CTNNA3: variants seen among roughly 807,000 people sequenced by gnomAD.
CTNNA3 encodes catenin alpha 3, also known as catenin alpha-3.
CTNNA3 carries 76 observed loss-of-function variants against 95.7 expected under a neutral mutation model. The ratio of observed to expected loss-of-function variants is 0.79; its 90% CI spans 0.66 to 0.96. The LOEUF (loss-of-function observed/expected upper bound fraction) is 0.96, where lower values mean the gene tolerates loss of function less well. CTNNA3 is among the 40% of genes least tolerant of loss of function. The pLI is 0.00. For missense variants in CTNNA3, 1,191 were observed against 1,089.8 expected (o/e 1.09, Z -1.31); for synonymous variants, 431 against 374.4 (o/e 1.15, Z -1.74).
At chr10:67,235,944 A>T (rs1321748744) in intron 5 of CTNNA3, among the ~76,000 whole-genome samples, 1 of 147,318 alleles carries the variant, frequency 6.8e-6, no homozygotes, top group Non-Finnish European at 1.5e-5. Context: ...AGAAATGCAA[A>T]TCAAAACCAC....
At chr10:67,729,517 A>G (rs962436457) in intron 1 of CTNNA3, among the ~76,000 whole-genome samples, 2 of 152,172 alleles carry the variant, frequency 1.3e-5, no homozygotes, top group Non-Finnish European at 2.9e-5. Flanking sequence ...CTATATTGCT[A>G]AATTCAAAGA....
At chr10:66,344,084 A>T (rs1027562688) in intron 12 of CTNNA3, among the ~76,000 whole-genome samples, 6 of 151,232 alleles carry the variant, frequency 4.0e-5, no homozygotes, top group Admixed American at 2.6e-4. Flanking sequence ...AAAATTAACC[A>T]GACGTGGTGG....
At chr10:67,028,730 A>T (rs1201379608) in intron 7 of CTNNA3, among the ~76,000 whole-genome samples, 1 of 152,004 alleles carries the variant, frequency 6.6e-6, no homozygotes, top group African/African-American at 2.4e-5. Context: ...ATCTAAAACG[A>T]TTAAGGTCTT....
rs1314422438 is a variant in CTNNA3 at position 67,554,872 on chromosome 10, GT to G, written c.293-15204del. Reference sequence around the variant, plus strand: ...GGTGTTGCCTAGGTTTTCTTCTAGGGTTTTTATCGTTTTAGGTCTGACATTT... The same window carrying G: ...GGTGTTGCCTAGGTTTTCTTCTAGGGTTTTATCGTTTTAGGTCTGACATTT... On this transcript the variant is annotated intron_variant, in intron 3 of 17. Transcript: ENST00000433211. Among the ~76,000 whole-genome samples the G allele has an allele frequency of 2.0e-5, 3 of 152,136 alleles. No homozygotes were observed. The South Asian group carries it at 6.2e-4, about 32-fold the overall frequency.
At chr10:66,427,498 ATTAGACAAATGAAT>A (rs1198948657) in intron 11 of CTNNA3, among the ~76,000 whole-genome samples, 1 of 152,098 alleles carries the variant, frequency 6.6e-6, no homozygotes, top group East Asian at 1.9e-4. Context: ...AAGATTAGTG[ATTAGACAAATGAAT>A]TTTTGCAATG....
At chr10:67,115,242 T>C (rs1035095280) in intron 7 of CTNNA3, among the ~76,000 whole-genome samples, 1 of 151,166 alleles carries the variant, frequency 6.6e-6, no homozygotes. Context: ...CAGGTGATCA[T>C]GAAAAAGAAC....
chr10:66,020,953 G>A (rs923179370), intron 15 of CTNNA3, among the ~76,000 whole-genome samples: 2 of 152,040 alleles, frequency 1.3e-5, no homozygotes, highest in African/African-American at 4.8e-5. Flanking sequence ...GATTACACAC[G>A]TGAGCCACTG....
intron 13 of CTNNA3, among the ~76,000 whole-genome samples, chr10:66,213,806 T>C (rs901822887): frequency 9.9e-5 from 15 of 152,058 alleles, no homozygotes; most frequent in African/African-American, 3.6e-4. Context: ...TAAGAAAGGG[T>C]AGTAGGCTAC....
chr10:67,603,534 T>C (rs1843152869), intron 3 of CTNNA3, among the ~76,000 whole-genome samples: 1 of 152,004 alleles, frequency 6.6e-6, no homozygotes, highest in Non-Finnish European at 1.5e-5. Context: ...TTGATAGCCC[T>C]GATTCTGTGT....
intron 13 of CTNNA3, among the ~76,000 whole-genome samples, chr10:66,154,409 A>G (rs543438695): frequency 6.6e-6 from 1 of 151,740 alleles, no homozygotes; most frequent in East Asian, 1.9e-4. Context: ...TTGGAATCTT[A>G]CTTATATAGC....
intron 7 of CTNNA3, among the ~76,000 whole-genome samples, chr10:66,919,877 C>A (rs977888344): frequency 1.3e-5 from 2 of 152,138 alleles, no homozygotes; most frequent in Non-Finnish European, 2.9e-5. Flanking sequence ...ATTCTGACAA[C>A]CCTGATATAT....
intron 8 of CTNNA3, among the ~76,000 whole-genome samples, chr10:66,768,208 A>T (rs1274866591): frequency 6.6e-6 from 1 of 152,086 alleles, no homozygotes. Flanking sequence ...TTCTTCTTTC[A>T]TTCATAATTA....
At chr10:67,306,044 G>A (rs1840540887) in intron 5 of CTNNA3, among the ~76,000 whole-genome samples, 1 of 152,170 alleles carries the variant, frequency 6.6e-6, no homozygotes, top group African/African-American at 2.4e-5. Flanking sequence ...AAGTGGGGTG[G>A]AACTAGAAGT....
chr10:67,361,727 G>C (rs11497957), intron 5 of CTNNA3, among the ~76,000 whole-genome samples: 9,895 of 151,942 alleles, frequency 0.065, 457 homozygotes, highest in African/African-American at 0.13. Flanking sequence ...GAAAAAACAA[G>C]AAGAAACTAA....
At chr10:66,051,941 C>A (rs1439582341) in intron 15 of CTNNA3, among the ~76,000 whole-genome samples, 1 of 152,104 alleles carries the variant, frequency 6.6e-6, no homozygotes, top group East Asian at 1.9e-4. Context: ...ATTCAAAATT[C>A]TTAATGTTTT....
intron 2 of CTNNA3, among the ~76,000 whole-genome samples, chr10:67,625,975 A>G (rs1838938050): frequency 3.3e-5 from 5 of 152,206 alleles, no homozygotes; most frequent in Admixed American, 3.3e-4. Context: ...GCTGGAGCCC[A>G]GGAGTTTGAG....
chr10:66,809,819 T>TC (rs1182749759), intron 7 of CTNNA3, among the ~76,000 whole-genome samples: 5 of 151,946 alleles, frequency 3.3e-5, no homozygotes, highest in African/African-American at 1.2e-4. Flanking sequence ...TTTTTTTTTT[T>TC]TTGAGACAAA....
intron 5 of CTNNA3, among the ~76,000 whole-genome samples, chr10:67,396,441 T>A (rs4443966): frequency 0.023 from 3,496 of 152,250 alleles, 61 homozygotes; most frequent in Non-Finnish European, 0.034. Context: ...TCATGTTTTA[T>A]TATAAGCATC....
At chr10:66,427,790 G>T (rs1427560473) in intron 11 of CTNNA3, among the ~76,000 whole-genome samples, 2 of 152,104 alleles carry the variant, frequency 1.3e-5, no homozygotes, top group Non-Finnish European at 2.9e-5. Flanking sequence ...ACCAGCCACT[G>T]CAAAAACACT....
Sources: gnomAD v4.1 joint callset for allele counts (sites outside exome capture counted in the v4.1 genomes callset) on GRCh38, gnomAD v4.1.1 for gene constraint, MANE v1.5 for transcripts, NCBI Gene and HGNC (gene_info 2026-07-23, HGNC 2026-07-21) for gene names.